Variants in SLIT3 observed in about 807,000 individuals in gnomAD.
The protein encoded by SLIT3 is slit guidance ligand 3.
Under a neutral mutation model 184.0 loss-of-function variants are expected in SLIT3, and 68 were observed. The ratio of observed to expected loss-of-function variants is 0.37; its 90% CI spans 0.30 to 0.45. SLIT3 has a LOEUF of 0.45. Among genes scored for constraint, SLIT3 ranks in the 20% least tolerant of loss-of-function variants. The pLI, the probability that SLIT3 is intolerant of heterozygous loss-of-function variation, is 1.00. For missense variants in SLIT3, 1,707 were observed against 2,026.0 expected, an observed-to-expected ratio of 0.84 and a Z score of 3.02; for synonymous variants, 831 against 828.6, an observed-to-expected ratio of 1.00 and a Z score of -0.05.
intron 4 of SLIT3, among the ~76,000 whole-genome samples, chr5:168,884,427 T>A (rs56299879): frequency 0.67 from 96,222 of 144,042 alleles, 32,309 homozygotes; most frequent in Admixed American, 0.72. Context: ...TCTCTCTCTC[T>A]CACACACACA....
At chr5:168,765,626 C>T (rs558034995) in intron 14 of SLIT3, among the ~76,000 whole-genome samples, 174 of 152,286 alleles carry the variant, frequency 1.1e-3, no homozygotes, top group African/African-American at 4.0e-3. Context: ...TTAACTTTTC[C>T]AGAGCTTTAA....
intron 1 of SLIT3, among the ~76,000 whole-genome samples, chr5:169,267,859 C>T (rs1283179472): frequency 6.6e-6 from 1 of 152,236 alleles, no homozygotes; most frequent in Non-Finnish European, 1.5e-5. Flanking sequence ...ATTTGCAGGA[C>T]ACATCTTGGT....
chr5:169,120,915 A>T lies in SLIT3; in HGVS notation c.413+72564T>A, dbSNP rs530534681. Among the ~76,000 whole-genome samples the T allele has an allele frequency of 2.0e-5, 3 of 152,194 alleles. No homozygotes were observed. The East Asian group carries it at 5.8e-4, about 29-fold the overall frequency. ...GTTTTGTTCACAGGATTGATGCCAG[A>T]CCCTTTCTTATAAGCCCAGCCCCCA... On this transcript the variant is annotated intron_variant, in intron 4 of 35. Transcript: ENST00000519560.
At chr5:168,752,521 G>C (rs1269244986) in intron 18 of SLIT3, 1 of 167,750 alleles carries the variant, frequency 6.0e-6, no homozygotes, top group African/African-American at 2.4e-5. Flanking sequence ...CAGTCTCCCA[G>C]GTAGCTGGGA....
At chr5:169,270,161 A>C (rs548145028) in intron 1 of SLIT3, among the ~76,000 whole-genome samples, 3 of 152,312 alleles carry the variant, frequency 2.0e-5, no homozygotes, top group East Asian at 3.9e-4. Flanking sequence ...TTTCCTCAAA[A>C]AGCAGCAGTG....
chr5:169,037,370 C>T (rs1445786412), intron 4 of SLIT3, among the ~76,000 whole-genome samples: 2 of 152,172 alleles, frequency 1.3e-5, no homozygotes, highest in Non-Finnish European at 2.9e-5. Context: ...ATGGCCATTA[C>T]CCTAAGCAGC....
rs1759780658 is a variant in SLIT3 at position 169,096,364 on chromosome 5, TATTGTTTTCTA to T, written c.413+97104_413+97114del. 1.3e-5 allele frequency among the ~76,000 whole-genome samples: 2 copies of T among 152,224 alleles called. 1 individual carries two copies. The highest frequency in any genetic ancestry group is 4.8e-5 in the African/African-American group (2 of 41,442). On this transcript the variant is annotated intron_variant, in intron 4 of 35. Coordinates refer to ENST00000519560, the MANE Select transcript of SLIT3 (RefSeq NM_003062.4). ...TCTCCAAGGTAGATTATATATGATT[TATTGTTTTCTA>T]ATTGTTTAGAGCAGGGGTTAGCAAA...
intron 4 of SLIT3, among the ~76,000 whole-genome samples, chr5:169,148,356 G>A (rs1362835286): frequency 6.6e-6 from 1 of 152,130 alleles, no homozygotes. Context: ...AGGCCGAAGA[G>A]GAAATAAAAA....
At chr5:168,822,125 C>T (rs558214872) in intron 7 of SLIT3, among the ~76,000 whole-genome samples, 2 of 152,256 alleles carry the variant, frequency 1.3e-5, no homozygotes, top group South Asian at 4.1e-4. Flanking sequence ...ATTGATGCTG[C>T]TGGTCTAGGG....
At chr5:169,103,871 C>T (rs946192416) in intron 4 of SLIT3, among the ~76,000 whole-genome samples, 4 of 152,294 alleles carry the variant, frequency 2.6e-5, no homozygotes, top group Non-Finnish European at 4.4e-5. Flanking sequence ...AGGGAAAGAA[C>T]GAGCCCTTGA....
intron 4 of SLIT3, among the ~76,000 whole-genome samples, chr5:168,925,019 C>T (rs1414778934): frequency 6.6e-6 from 1 of 152,164 alleles, no homozygotes; most frequent in Admixed American, 6.5e-5. Flanking sequence ...TATCGAGCAC[C>T]TTCTAAGAGC....
intron 4 of SLIT3, among the ~76,000 whole-genome samples, chr5:169,100,230 T>G (rs958623931): frequency 6.6e-6 from 1 of 152,090 alleles, no homozygotes; most frequent in African/African-American, 2.4e-5. Flanking sequence ...TGGAATCCCC[T>G]TGGGCCCAAG....
At chr5:169,189,655 T>A (rs936175075) in intron 4 of SLIT3, among the ~76,000 whole-genome samples, 2 of 149,222 alleles carry the variant, frequency 1.3e-5, no homozygotes, top group Non-Finnish European at 3.0e-5. Context: ...GGCAGGGAAC[T>A]CCCAGTAGAG....
chr5:169,084,633 T>G lies in SLIT3; in HGVS notation c.413+108846A>C, dbSNP rs1759215464. Among the ~76,000 whole-genome samples, 2 of 152,090 alleles carry G rather than the reference T, an allele frequency of 1.3e-5. 1 individual carries two copies. Among genetic ancestry groups the G allele is most frequent in the South Asian group, 4.2e-4 (2 of 4,816 alleles). ...TCAAAATTGGGATATTTTACACACA[T>G]GAAATCAAATGTTCAGTTTCTTTTG... On this transcript the variant is annotated intron_variant, in intron 4 of 35. Transcript: ENST00000519560.
chr5:168,949,164 T>C (rs1407818907), intron 4 of SLIT3, among the ~76,000 whole-genome samples: 1 of 152,156 alleles, frequency 6.6e-6, no homozygotes, highest in Non-Finnish European at 1.5e-5. Flanking sequence ...TGAACGGAGT[T>C]TCACCTGCGG....
At chr5:169,187,555 C>CTTTTTTTTTTTTTTTTT (rs796812191) in intron 4 of SLIT3, among the ~76,000 whole-genome samples, 1 of 89,048 alleles carries the variant, frequency 1.1e-5, no homozygotes, top group African/African-American at 5.3e-5. Context: ...TTCTTTCTTT[C>CTTTTTTTTTTTTTTTTT]TTTCTTTTTT....
intron 6 of SLIT3, among the ~76,000 whole-genome samples, chr5:168,823,679 C>T (rs754824123): frequency 4.6e-5 from 7 of 152,084 alleles, no homozygotes; most frequent in African/African-American, 7.2e-5. Flanking sequence ...TTCCTGTCCT[C>T]GGTTTATGGA....
chr5:169,262,614 C>T (rs909241399), intron 1 of SLIT3, among the ~76,000 whole-genome samples: 2 of 152,158 alleles, frequency 1.3e-5, no homozygotes, highest in African/African-American at 4.8e-5. Context: ...AATTTAAGAG[C>T]CCTCAGCCTC....
At chr5:169,007,159 G>A (rs1001091669) in intron 4 of SLIT3, among the ~76,000 whole-genome samples, 1 of 152,156 alleles carries the variant, frequency 6.6e-6, no homozygotes, top group Non-Finnish European at 1.5e-5. Context: ...CTGCCACCTT[G>A]TGAAGAAGGT....
Sources: allele counts gnomAD v4.1 joint callset (sites outside exome capture counted in the v4.1 genomes callset), GRCh38; gene constraint gnomAD v4.1.1; transcripts MANE v1.5; gene names NCBI Gene and HGNC (gene_info 2026-07-23, HGNC 2026-07-21).